DYSF: variants seen among roughly 807,000 people sequenced by gnomAD.
DYSF encodes dystrophy-associated fer-1-like 1.
A neutral mutation model predicts 274.9 loss-of-function variants in DYSF; 212 were observed. The ratio of observed to expected loss-of-function variants is 0.77; its 90% confidence interval spans 0.69 to 0.86. DYSF has a LOEUF of 0.86. Among genes scored for constraint, DYSF ranks in the 40% least tolerant of loss-of-function variants. The pLI is 0.00. For missense variants in DYSF, 2,666 were observed against 2,783.2 expected (o/e 0.96, Z 0.95); for synonymous variants, 1,091 against 1,078.7 (o/e 1.01, Z -0.22).
chr2:71,657,578 A>G (rs2094797335), intron 43 of DYSF, among the ~76,000 whole-genome samples: 1 of 152,196 alleles, frequency 6.6e-6, no homozygotes, highest in Non-Finnish European at 1.5e-5. Flanking sequence ...TTGCCTGGGC[A>G]TCCAGGTGTT....
chr2:71,581,747 G>A (rs1296533096), intron 30 of DYSF, among the ~76,000 whole-genome samples: 5 of 152,200 alleles, frequency 3.3e-5, no homozygotes, highest in Non-Finnish European at 5.9e-5. Flanking sequence ...TTGCTTATCA[G>A]GTGGGAATGC....
intron 22 of DYSF, 102 bp downstream of exon 22, chr2:71,556,173 C>A: frequency 1.0e-6 from 1 of 995,430 alleles, no homozygotes; most frequent in Non-Finnish European, 1.5e-6. Context: ...GCACGTCTCC[C>A]AGCCACGCTT....
At chr2:71,684,309 A>T (rs541701467) in intron 55 of DYSF, among the ~76,000 whole-genome samples, 1 of 152,288 alleles carries the variant, frequency 6.6e-6, no homozygotes, top group Admixed American at 6.5e-5. Flanking sequence ...GTGACCTGAG[A>T]TCCGGGGTCA....
In DYSF at chr2:71,605,444, C is replaced by T. The variant is rs1454645112; in HGVS notation, c.3957+2639C>T. ...CACAGCAGCTGAGGTGATCGTGGGT[C>T]CCTGAATGCCCAGGGCCCCCTAGGA... On this transcript the variant is annotated intron_variant, in intron 36 of 55. Coordinates refer to ENST00000410020, the MANE Select transcript of DYSF (RefSeq NM_001130987.2). 2.0e-5 allele frequency among the ~76,000 whole-genome samples: 3 copies of T among 152,188 alleles called. No individual in the cohort carries two copies. In the East Asian group the frequency reaches 5.8e-4, roughly 29 times the overall value.
chr2:71,507,615 G>A (rs1008516378), intron 4 of DYSF, among the ~76,000 whole-genome samples: 110 of 151,944 alleles, frequency 7.2e-4, no homozygotes, highest in African/African-American at 2.7e-3. Context: ...ACGTGTGCGC[G>A]CACACACACA....
chr2:71,545,908 C>T (rs574507458), intron 17 of DYSF, among the ~76,000 whole-genome samples: 13 of 152,300 alleles, frequency 8.5e-5, no homozygotes, highest in South Asian at 2.1e-4. Context: ...CAGCATGCTG[C>T]GGAAGGCATT....
Position 71,528,278 on chromosome 2 carries a change from T to C in DYSF, c.1277-20T>C. On this transcript the variant is annotated intron_variant, in intron 13 of 55. Coordinates refer to ENST00000410020, the MANE Select transcript of DYSF (RefSeq NM_001130987.2). ...GGAGAGACAGCAGGCAGGCAGTGAC[T>C]GGTGTGTCCCTCTTCCCAGTGGACG... 3.1e-6 allele frequency: 5 copies of C among 1,607,038 alleles called. No individual in the cohort carries two copies. The highest frequency in any genetic ancestry group is 4.3e-6 in the Non-Finnish European group (5 of 1,174,680).
intron 30 of DYSF, among the ~76,000 whole-genome samples, chr2:71,583,257 C>T (rs2092956022): frequency 6.6e-6 from 1 of 152,182 alleles, no homozygotes; most frequent in Non-Finnish European, 1.5e-5. Flanking sequence ...CTCTGAGGGG[C>T]CCCCTGACCC....
chr2:71,642,868 A>G (rs964060340), intron 41 of DYSF, among the ~76,000 whole-genome samples: 7 of 152,192 alleles, frequency 4.6e-5, no homozygotes, highest in Non-Finnish European at 7.3e-5. Context: ...GCATTTTCAG[A>G]AACTCTGTGA....
intron 33 of DYSF, among the ~76,000 whole-genome samples, chr2:71,599,901 G>C (rs530388833): frequency 5.9e-5 from 9 of 152,216 alleles, no homozygotes; most frequent in Non-Finnish European, 8.8e-5. Flanking sequence ...TGCAACGTTG[G>C]GGTGCTTGGA....
chr2:71,501,321 G>A lies in DYSF; in HGVS notation c.240-1893G>A, dbSNP rs140736414. Among the ~76,000 whole-genome samples, 782 of 152,296 alleles carry A rather than the reference G, an allele frequency of 5.1e-3. 1 individual carries two copies. The highest frequency in any genetic ancestry group is 8.1e-3 in the Non-Finnish European group (552 of 68,000). ...TGCTAGCAAGGGCACGAGCAAGGCG[G>A]CAGAGTCTGTTGCTTTCAAGAAGGA... On this transcript the variant is annotated intron_variant, in intron 3 of 55. Coordinates refer to ENST00000410020, the MANE Select transcript of DYSF (RefSeq NM_001130987.2).
At chr2:71,619,801 T>C (rs1340583162) in intron 40 of DYSF, among the ~76,000 whole-genome samples, 1 of 152,158 alleles carries the variant, frequency 6.6e-6, no homozygotes, top group Non-Finnish European at 1.5e-5. Flanking sequence ...CATCCCCTTA[T>C]CCTAGAGTAT....
At chr2:71,482,436 G>A (rs777468848) in intron 3 of DYSF, among the ~76,000 whole-genome samples, 4 of 152,196 alleles carry the variant, frequency 2.6e-5, no homozygotes, top group Non-Finnish European at 4.4e-5. Context: ...TAGAGGTTAA[G>A]ATTCGTGGTT....
Position 71,574,500 on chromosome 2 carries a change from C to T in DYSF, c.3402+129C>T, listed in dbSNP as rs763859931. ...TTTGGATGGAACGCTGGCTGGTCAT[C>T]CTGGCGTCAGTACCTGTGGGGTGGC... On this transcript the variant is annotated intron_variant, in intron 30 of 55. Transcript: ENST00000410020. 522 of 1,175,804 alleles carry T rather than the reference C, an allele frequency of 4.4e-4. 1 individual carries two copies. The highest frequency in any genetic ancestry group is 6.0e-4 in the Non-Finnish European group (505 of 847,416). The allele number at this position is 1,175,804 out of a possible 1,614,324, so 72.8% of individuals were successfully genotyped here.
chr2:71,478,275 C>G (rs549797749), intron 1 of DYSF, among the ~76,000 whole-genome samples: 28 of 150,660 alleles, frequency 1.9e-4, no homozygotes, highest in Admixed American at 5.9e-4. Flanking sequence ...GCAGTGGTGC[C>G]ATCTCGGCTC....
At chr2:71,496,375 AG>A (rs1052784025) in intron 3 of DYSF, among the ~76,000 whole-genome samples, 2 of 152,008 alleles carry the variant, frequency 1.3e-5, no homozygotes, top group African/African-American at 2.4e-5. Flanking sequence ...GAATCAGTGC[AG>A]GGGTCAATCA....
chr2:71,584,257 G>A (rs1164680485), intron 30 of DYSF, among the ~76,000 whole-genome samples: 1 of 152,140 alleles, frequency 6.6e-6, no homozygotes, highest in Non-Finnish European at 1.5e-5. Context: ...CTCTGCACGG[G>A]GCTCAGAGTG....
At chr2:71,618,122 G>A (rs1302225544) in intron 40 of DYSF, among the ~76,000 whole-genome samples, 18 of 146,088 alleles carry the variant, frequency 1.2e-4, no homozygotes, top group Non-Finnish European at 2.2e-4. Flanking sequence ...GGGTGTGTGT[G>A]TGGTAGAGGT....
At chr2:71,617,664 T>G (rs1157955310) in intron 40 of DYSF, among the ~76,000 whole-genome samples, 6 of 100,884 alleles carry the variant, frequency 5.9e-5, no homozygotes, top group Admixed American at 3.0e-4. Context: ...GTGGCAGAGG[T>G]GGGGTGTGTG....
Sources: allele counts gnomAD v4.1 joint callset (sites outside exome capture counted in the v4.1 genomes callset), GRCh38; gene constraint gnomAD v4.1.1; transcripts MANE v1.5; gene names NCBI Gene and HGNC (gene_info 2026-07-23, HGNC 2026-07-21).